ICA1: variants seen among roughly 807,000 people sequenced by gnomAD.
ICA1 encodes islet cell autoantigen 1.
A neutral mutation model predicts 71.0 loss-of-function variants in ICA1; 40 were observed. That is an observed-to-expected ratio of 0.56 (90% CI 0.44 to 0.73). The LOEUF (loss-of-function observed/expected upper bound fraction) is 0.73, where lower values mean the gene tolerates loss of function less well. Ranked by LOEUF, ICA1 falls within the 30% of genes least tolerant of loss-of-function variation. The pLI is 0.00. For synonymous variants in ICA1, 207 were observed against 209.5 expected (o/e 0.99, Z 0.10); for missense variants, 578 against 576.5 (o/e 1.00, Z -0.03).
intron 6 of ICA1, among the ~76,000 whole-genome samples, chr7:8,160,495 C>T (rs749324935): frequency 2.6e-5 from 4 of 152,166 alleles, no homozygotes; most frequent in Admixed American, 6.5e-5. Flanking sequence ...TCCCGAGCAA[C>T]TTAGGCTACT....
In ICA1 at chr7:8,222,862, A is replaced by G. The variant is rs1318217594; in HGVS notation, c.257-1464T>C. Among the ~76,000 whole-genome samples the G allele has an allele frequency of 6.6e-6, 1 of 152,182 alleles. No homozygotes were observed. The highest frequency in any genetic ancestry group is 2.4e-5 in the African/African-American group (1 of 41,450). On this transcript the variant is annotated intron_variant, in intron 4 of 13. Transcript: ENST00000402384. The surrounding 1 kb of genome is among the most constrained non-coding windows in gnomAD (Gnocchi z 4.8). Reference sequence around the variant, plus strand: ...TAGCACTCACCTTGTGTGACTGGGCATGTGTCTCTCTTCCCCAGGGGGCTC... The same window carrying G: ...TAGCACTCACCTTGTGTGACTGGGCGTGTGTCTCTCTTCCCCAGGGGGCTC...
At chr7:8,216,398 T>G (rs1261936527) in intron 6 of ICA1, among the ~76,000 whole-genome samples, 1 of 152,086 alleles carries the variant, frequency 6.6e-6, no homozygotes, top group Non-Finnish European at 1.5e-5. Flanking sequence ...ACACATGGGA[T>G]TGGGGAGTAA....
At chr7:8,126,187 G>T (rs1165077819) in intron 13 of ICA1, among the ~76,000 whole-genome samples, 1 of 152,216 alleles carries the variant, frequency 6.6e-6, no homozygotes, top group African/African-American at 2.4e-5. Context: ...GTTAGTAGGG[G>T]CTCTTGTTTC....
chr7:8,130,858 T>C lies in ICA1; in HGVS notation c.1061-2716A>G, dbSNP rs1310713560. Among the ~76,000 whole-genome samples, 1 of 152,260 alleles carries C rather than the reference T, an allele frequency of 6.6e-6. No homozygotes were observed. Among genetic ancestry groups the C allele is most frequent in the East Asian group, 1.9e-4 (1 of 5,208 alleles). On this transcript the variant is annotated intron_variant, in intron 12 of 13. Coordinates refer to ENST00000402384, the MANE Select transcript of ICA1 (RefSeq NM_001136020.3). The surrounding 1 kb of genome is among the most constrained non-coding windows in gnomAD (Gnocchi z 4.2). ...TTTAGGTTTTGTGCTATGGTGTTTA[T>C]AATGGACTTTGGTGGTTTTTGCTAA...
chr7:8,148,074 C>A (rs2128146818), intron 8 of ICA1, among the ~76,000 whole-genome samples: 1 of 152,222 alleles, frequency 6.6e-6, no homozygotes, highest in African/African-American at 2.4e-5. Flanking sequence ...TGGTTCCCAT[C>A]CTGTGTCCTG....
chr7:8,194,804 T>C, intron 6 of ICA1, among the ~76,000 whole-genome samples: 1 of 152,186 alleles, frequency 6.6e-6, no homozygotes, highest in South Asian at 2.1e-4. Flanking sequence ...ATGCTTATGA[T>C]AAATGGAAGC....
In ICA1 at chr7:8,223,991, C is replaced by A. The variant is rs974281552; in HGVS notation, c.257-2593G>T. 1.3e-5 allele frequency among the ~76,000 whole-genome samples: 2 copies of A among 152,088 alleles called. No homozygotes were observed. Among genetic ancestry groups the A allele is most frequent in the Admixed American group, 1.3e-4 (2 of 15,264 alleles). ...AGATTTATGGATGATCCAACACATACGAGGCACAGTTCTTGCCACTGGAAT... is the reference window on the plus strand; with the variant it reads ...AGATTTATGGATGATCCAACACATAAGAGGCACAGTTCTTGCCACTGGAAT... On this transcript the variant is annotated intron_variant, in intron 4 of 13. Coordinates refer to ENST00000402384, the MANE Select transcript of ICA1 (RefSeq NM_001136020.3). The surrounding 1 kb of genome is among the most constrained non-coding windows in gnomAD (Gnocchi z 4.1).
At chr7:8,141,106 C>A (rs1795086738) in intron 10 of ICA1, among the ~76,000 whole-genome samples, 1 of 152,204 alleles carries the variant, frequency 6.6e-6, no homozygotes, top group Admixed American at 6.5e-5. Flanking sequence ...ATTAATTCTA[C>A]CACAATCTAT....
At chr7:8,140,835 G>A (rs1235958719) in intron 10 of ICA1, among the ~76,000 whole-genome samples, 1 of 152,158 alleles carries the variant, frequency 6.6e-6, no homozygotes, top group Non-Finnish European at 1.5e-5. Flanking sequence ...AGAAGCAAGT[G>A]GGTGGAAAGG....
chr7:8,221,488 T>G, intron 4 of ICA1, 90 bp from the exon 5 acceptor site: 2 of 1,427,184 alleles, frequency 1.4e-6, no homozygotes, highest in Non-Finnish European at 2.0e-6. Flanking sequence ...GTCCTCTCTC[T>G]TCCAGAGGCG....
chr7:8,198,944 A>T (rs948676571), intron 6 of ICA1, among the ~76,000 whole-genome samples: 3 of 152,374 alleles, frequency 2.0e-5, no homozygotes, highest in Admixed American at 6.5e-5. Context: ...AAAAGATTTG[A>T]ATAGACATTT....
At chr7:8,216,268 T>A (rs1795364357) in intron 6 of ICA1, among the ~76,000 whole-genome samples, 1 of 152,162 alleles carries the variant, frequency 6.6e-6, no homozygotes, top group African/African-American at 2.4e-5. Context: ...GCTGTGAAGA[T>A]CCCCAACATG....
intron 6 of ICA1, among the ~76,000 whole-genome samples, chr7:8,199,225 G>T (rs545282264): frequency 6.6e-6 from 1 of 152,170 alleles, no homozygotes; most frequent in African/African-American, 2.4e-5. Flanking sequence ...CCACTGCAGG[G>T]TATATACCCA....
At chr7:8,228,982 G>T (rs1396899787) in intron 3 of ICA1, among the ~76,000 whole-genome samples, 1 of 152,080 alleles carries the variant, frequency 6.6e-6, no homozygotes, top group Non-Finnish European at 1.5e-5. Flanking sequence ...GAAGGGCCTA[G>T]TTAGAGGACT....
intron 6 of ICA1, among the ~76,000 whole-genome samples, chr7:8,195,567 AAAAC>A (rs1562946002): frequency 6.6e-6 from 1 of 152,004 alleles, no homozygotes; most frequent in African/African-American, 2.4e-5. Context: ...AACAAAAACA[AAAAC>A]AAAAACAAAA....
chr7:8,175,275 G>C (rs1459792794), intron 6 of ICA1, among the ~76,000 whole-genome samples: 1 of 152,138 alleles, frequency 6.6e-6, no homozygotes, highest in Admixed American at 6.5e-5. Flanking sequence ...GGAAGAATCT[G>C]TATGTTTAAT....
At chr7:8,158,352 T>C (rs1802472953) in intron 7 of ICA1, 175 bp downstream of exon 7, 2 of 666,164 alleles carry the variant, frequency 3.0e-6, no homozygotes, top group Admixed American at 5.9e-5. Context: ...AAATAACTAC[T>C]ATTTGGTTTG....
intron 5 of ICA1, among the ~76,000 whole-genome samples, chr7:8,219,170 AT>A (rs754754507): frequency 6.6e-6 from 1 of 152,360 alleles, no homozygotes; most frequent in Non-Finnish European, 1.5e-5. Context: ...GCTATAACAT[AT>A]GCCCTTTACC....
chr7:8,152,412 A>G (rs1799128354), intron 8 of ICA1, among the ~76,000 whole-genome samples: 1 of 151,876 alleles, frequency 6.6e-6, no homozygotes, highest in South Asian at 2.1e-4. Context: ...TACCAGCACT[A>G]TGTCATTACT....
Sources: gnomAD v4.1 joint callset for allele counts (sites outside exome capture counted in the v4.1 genomes callset) on GRCh38, gnomAD v4.1.1 for gene constraint, Gnocchi (gnomAD v3.1) non-coding constraint, MANE v1.5 for transcripts, NCBI Gene and HGNC (gene_info 2026-07-23, HGNC 2026-07-21) for gene names.